Variants in LRRC28 observed in about 807,000 individuals in gnomAD.
LRRC28 encodes leucine rich repeat containing 28.
Under a neutral mutation model 45.7 loss-of-function variants are expected in LRRC28, and 39 were observed. The ratio of observed to expected loss-of-function variants is 0.85; its 90% CI spans 0.66 to 1.12. The LOEUF is 1.12. Among genes scored for constraint, LRRC28 ranks in the 50% most tolerant of loss-of-function variants. LRRC28 has a pLI of 0.00. For synonymous variants in LRRC28, 206 were observed against 178.8 expected, an observed-to-expected ratio of 1.15 and a Z score of -1.22; for missense variants, 435 against 438.5, an observed-to-expected ratio of 0.99 and a Z score of 0.07.
chr15:99,286,992 T>A (rs12592097), intron 3 of LRRC28: 32,302 of 304,646 alleles, frequency 0.11, 2,541 homozygotes, highest in East Asian at 0.35. Flanking sequence ...GACCTTATAG[T>A]TTATCCATTA....
At chr15:99,259,937 A>G (rs1439598612) in intron 2 of LRRC28, 16 of 676,818 alleles carry the variant, frequency 2.4e-5, no homozygotes, top group Non-Finnish European at 4.1e-5. Context: ...AGAGCAAGAC[A>G]AAGACAAAGA....
intron 5 of LRRC28, among the ~76,000 whole-genome samples, chr15:99,307,699 T>C (rs970084890): frequency 6.6e-6 from 1 of 152,236 alleles, no homozygotes; most frequent in Non-Finnish European, 1.5e-5. Context: ...GACTGGCTCA[T>C]TGTTCCTCTG....
intron 3 of LRRC28, 48 bp from the exon 4 acceptor site, chr15:99,287,209 C>T: frequency 6.8e-7 from 1 of 1,477,550 alleles, no homozygotes; most frequent in Non-Finnish European, 9.2e-7. Flanking sequence ...GATTATCTGG[C>T]AAAAGTACTT....
chr15:99,313,595 A>G (rs927457583), intron 5 of LRRC28, among the ~76,000 whole-genome samples: 3 of 152,210 alleles, frequency 2.0e-5, no homozygotes, highest in Non-Finnish European at 1.5e-5. Context: ...TTGAATTACC[A>G]TCTGATAATC....
chr15:99,257,894 T>C, intron 2 of LRRC28: 1 of 772,776 alleles, frequency 1.3e-6, no homozygotes, highest in South Asian at 1.4e-5. Flanking sequence ...TGATGAAACT[T>C]ATCATCAATT....
intron 5 of LRRC28, among the ~76,000 whole-genome samples, chr15:99,322,549 G>T (rs899722920): frequency 6.6e-6 from 1 of 151,986 alleles, no homozygotes; most frequent in African/African-American, 2.4e-5. Flanking sequence ...CCCAGATTTG[G>T]TCATTACCCA....
chr15:99,283,792 C>T (rs2081881088), intron 3 of LRRC28, among the ~76,000 whole-genome samples: 1 of 151,936 alleles, frequency 6.6e-6, no homozygotes, highest in African/African-American at 2.4e-5. Flanking sequence ...AATGAGAGTT[C>T]CTGCATTATT....
chr15:99,373,685 G>A (rs771499599), intron 9 of LRRC28, among the ~76,000 whole-genome samples: 1 of 151,980 alleles, frequency 6.6e-6, no homozygotes, highest in African/African-American at 2.4e-5. Context: ...AAAATTAGAG[G>A]TAATGCAAAA....
chr15:99,377,702 C>T (rs1011329305), intron 9 of LRRC28, among the ~76,000 whole-genome samples: 4 of 152,074 alleles, frequency 2.6e-5, no homozygotes. Context: ...TTTAATCCAT[C>T]TTGAATTAAT....
At chr15:99,293,520 G>T (rs2082179149) in intron 5 of LRRC28, among the ~76,000 whole-genome samples, 1 of 137,384 alleles carries the variant, frequency 7.3e-6, no homozygotes, top group East Asian at 2.3e-4. Context: ...TTGAACACAG[G>T]AGGCAGAGGT....
chr15:99,314,000 T>C (rs1365711527), intron 5 of LRRC28, among the ~76,000 whole-genome samples: 1 of 152,216 alleles, frequency 6.6e-6, no homozygotes, highest in African/African-American at 2.4e-5. Flanking sequence ...ATTTTCTGCC[T>C]TTGGTTGATT....
At chr15:99,330,436 T>G (rs1023516121) in intron 5 of LRRC28, among the ~76,000 whole-genome samples, 5 of 152,190 alleles carry the variant, frequency 3.3e-5, no homozygotes, top group African/African-American at 1.2e-4. Context: ...TGTCTATATA[T>G]TTATAGTTGA....
At position 99,280,699 on chromosome 15, in the gene LRRC28, T is replaced by C. The variant is rs527237883; in HGVS notation, c.209+4083T>C. Among the ~76,000 whole-genome samples, 5 of 152,272 alleles carry C rather than the reference T, an allele frequency of 3.3e-5. No individual in the cohort carries two copies. The South Asian group carries it at 1.0e-3, about 32-fold the overall frequency. ...GGTGTATCTTGTTGTAGTTTTCTTCTTTCTTACCTTTGAGGTTCATGGGGT... is the reference window on the plus strand; with the variant it reads ...GGTGTATCTTGTTGTAGTTTTCTTCCTTCTTACCTTTGAGGTTCATGGGGT... On this transcript the variant is annotated intron_variant, in intron 3 of 9. Transcript: ENST00000301981.
intron 5 of LRRC28, among the ~76,000 whole-genome samples, chr15:99,302,652 A>C (rs971753702): frequency 6.6e-6 from 1 of 152,158 alleles, no homozygotes; most frequent in Admixed American, 6.5e-5. Flanking sequence ...CAGTTTAGGA[A>C]CCCTCAATAC....
chr15:99,271,402 C>T (rs2081475385), intron 2 of LRRC28, among the ~76,000 whole-genome samples: 1 of 151,822 alleles, frequency 6.6e-6, no homozygotes, highest in East Asian at 1.9e-4. Flanking sequence ...CCTCAGCCTC[C>T]CAAATAGCTA....
At chr15:99,349,885 C>A (rs1192126056) in intron 6 of LRRC28, among the ~76,000 whole-genome samples, 1 of 152,082 alleles carries the variant, frequency 6.6e-6, no homozygotes, top group East Asian at 1.9e-4. Flanking sequence ...GCCTGTAATC[C>A]CAGCACTTTG....
intron 3 of LRRC28, among the ~76,000 whole-genome samples, chr15:99,277,000 T>G (rs2081634889): frequency 1.3e-5 from 2 of 152,160 alleles, no homozygotes; most frequent in Admixed American, 6.5e-5. Context: ...ACAGTAAAAG[T>G]CTCTTTTCCT....
rs534059372 is a variant in LRRC28, at chr15:99,261,910, G to T, written c.168+5785G>T. Reference sequence around the variant, plus strand: ...GACCTCGGGTGATCCACCCACCTTGGCCTCCCAAAGTGCTAGGATTACAGG... The same window carrying T: ...GACCTCGGGTGATCCACCCACCTTGTCCTCCCAAAGTGCTAGGATTACAGG... On this transcript the variant is annotated intron_variant, in intron 2 of 9. Coordinates refer to ENST00000301981, the MANE Select transcript of LRRC28 (RefSeq NM_144598.5). Among the ~76,000 whole-genome samples, 10 of 152,086 alleles carry T rather than the reference G, an allele frequency of 6.6e-5. No homozygotes were observed. In the East Asian group the frequency reaches 1.9e-3, roughly 30 times the overall value.
rs560430767 is a variant in LRRC28 at position 99,329,059 on chromosome 15, T to C, written c.386-4864T>C. Among the ~76,000 whole-genome samples the C allele has an allele frequency of 2.2e-4, 33 of 152,276 alleles. No individual in the cohort carries two copies. In the South Asian group the frequency reaches 2.5e-3, roughly 11 times the overall value. Reference sequence around the variant, plus strand: ...GTTCTGTCTCTTTGAAAAACTCTAATACAGATTTGGTATTGGGGAAGCCAA... The same window carrying C: ...GTTCTGTCTCTTTGAAAAACTCTAACACAGATTTGGTATTGGGGAAGCCAA... On this transcript the variant is annotated intron_variant, in intron 5 of 9. Coordinates refer to ENST00000301981, the MANE Select transcript of LRRC28 (RefSeq NM_144598.5).
Sources: allele counts gnomAD v4.1 joint callset (sites outside exome capture counted in the v4.1 genomes callset), GRCh38; gene constraint gnomAD v4.1.1; transcripts MANE v1.5; gene names NCBI Gene and HGNC (gene_info 2026-07-23, HGNC 2026-07-21).